Variants in KMO observed in about 807,000 individuals in gnomAD.
KMO encodes kynurenine 3-monooxygenase, also known as kynurenine 3-hydroxylase.
KMO carries 24 observed loss-of-function variants against 57.8 expected under a neutral mutation model. The ratio of observed to expected loss-of-function variants is 0.42; its 90% CI spans 0.30 to 0.58. The LOEUF (loss-of-function observed/expected upper bound fraction) is 0.58, where lower values mean the gene tolerates loss of function less well. Ranked by LOEUF, KMO falls within the 20% of genes least tolerant of loss-of-function variation. The pLI is 0.22. For synonymous variants in KMO, 210 were observed against 193.6 expected (o/e 1.08, Z -0.70); for missense variants, 483 against 588.2 (o/e 0.82, Z 1.85).
rs114176531 is a variant in KMO, at chr1:241,536,097, G to A, written c.54+3599G>A. On this transcript the variant is annotated intron_variant, in intron 1 of 14. Coordinates refer to ENST00000366559, the MANE Select transcript of KMO (RefSeq NM_003679.5). ...GGAGAATCACTCCTTTAGAAGTTAT[G>A]GGAAATTTTTAAAGAGTTTTTTTTT... is the stretch of plus-strand genomic sequence containing the variant. Among the ~76,000 whole-genome samples, 685 of 152,078 alleles carry A rather than the reference G, an allele frequency of 4.5e-3. 5 individuals carry two copies. The highest frequency in any genetic ancestry group is 0.016 in the African/African-American group (650 of 41,462).
At chr1:241,577,413 A>C (rs1662563849) in intron 10 of KMO, among the ~76,000 whole-genome samples, 1 of 152,026 alleles carries the variant, frequency 6.6e-6, no homozygotes, top group African/African-American at 2.4e-5. Context: ...GTTTTTCTTT[A>C]ATTTCCTTTT....
chr1:241,535,432 G>A (rs1660722895), intron 1 of KMO, among the ~76,000 whole-genome samples: 1 of 152,076 alleles, frequency 6.6e-6, no homozygotes, highest in Non-Finnish European at 1.5e-5. Context: ...ATCAGTGGTA[G>A]CTTACCATGT....
At chr1:241,573,808 T>C (rs1662400792) in intron 10 of KMO, among the ~76,000 whole-genome samples, 1 of 152,102 alleles carries the variant, frequency 6.6e-6, no homozygotes, top group East Asian at 1.9e-4. Context: ...TGAAAAGCGA[T>C]GTTGGTATTT....
intron 4 of KMO, 137 bp from the exon 5 acceptor site, chr1:241,555,475 C>T (rs1433602306): frequency 4.0e-6 from 2 of 503,128 alleles, no homozygotes; most frequent in Non-Finnish European, 7.1e-6. Flanking sequence ...TCAAAGGTCA[C>T]TTAGCGAAAT....
At chr1:241,552,596 G>T (rs1371769845) in intron 4 of KMO, among the ~76,000 whole-genome samples, 1 of 152,086 alleles carries the variant, frequency 6.6e-6, no homozygotes, top group Non-Finnish European at 1.5e-5. Flanking sequence ...GTGTACCATG[G>T]TGGTCCGGAT....
chr1:241,548,911 T>A lies in KMO; in HGVS notation c.124+13T>A. On this transcript the variant is annotated intron_variant, in intron 2 of 14. Coordinates refer to ENST00000366559, the MANE Select transcript of KMO (RefSeq NM_003679.5). ...GAAGCTAGGGAAGGTACGTCCATGG[T>A]GAAAAAAGCAGGATGAACGCTGGGC... is the stretch of plus-strand genomic sequence containing the variant. 1 of 1,587,586 alleles carries A rather than the reference T, an allele frequency of 6.3e-7. No homozygotes were observed. The highest frequency in any genetic ancestry group is 1.1e-5 in the South Asian group (1 of 90,388).
intron 4 of KMO, among the ~76,000 whole-genome samples, chr1:241,551,806 A>G (rs1368537824): frequency 6.6e-6 from 1 of 152,194 alleles, no homozygotes; most frequent in African/African-American, 2.4e-5. Context: ...GACCCTCAGC[A>G]GAGCTCTCAT....
chr1:241,594,930 T>C lies in KMO; in HGVS notation c.*2777T>C, dbSNP rs2147992937. The C allele has an allele frequency of 4.4e-6, 2 of 451,970 alleles. No homozygotes were observed. Among genetic ancestry groups the C allele is most frequent in the Middle Eastern group, 5.7e-4 (1 of 1,748 alleles). 28.0% of individuals were successfully genotyped at this position (451,970 alleles called of 1,614,324 possible). ...GGACCATTTCAATACCTTGTAATCC[T>C]CCAAGCTTCAATCTGCACACACTTT... On this transcript the variant is annotated 3_prime_UTR_variant, in exon 15 of 15. Transcript: ENST00000366559.
At chr1:241,567,868 G>A (rs1295005983) in intron 9 of KMO, among the ~76,000 whole-genome samples, 2 of 152,154 alleles carry the variant, frequency 1.3e-5, no homozygotes, top group Admixed American at 6.5e-5. Context: ...TAAGATTCTT[G>A]AGGCTAGGTA....
intron 8 of KMO, among the ~76,000 whole-genome samples, chr1:241,565,307 T>C (rs1662032572): frequency 6.6e-6 from 1 of 152,116 alleles, no homozygotes; most frequent in Admixed American, 6.6e-5. Context: ...GCCTGTCATC[T>C]CCACTAAAGA....
At position 241,549,261 on chromosome 1, in the gene KMO, GA is replaced by G. The variant is rs1558414945; in HGVS notation, c.124+366del. 1.7e-3 allele frequency among the ~76,000 whole-genome samples: 236 copies of G among 142,138 alleles called. 12 individuals carry two copies. Among genetic ancestry groups the G allele is most frequent in the African/African-American group, 5.9e-3 (226 of 38,008 alleles). The allele number at this position is 142,138 out of a possible 152,430, so 93.2% of individuals were successfully genotyped here. ...AGAAAGAAAGAAAGAAAGAAAGAAA[GA>G]AAGAAAGGAAGGAAGAAAGAAAGAA... On this transcript the variant is annotated intron_variant, in intron 2 of 14. Coordinates refer to ENST00000366559, the MANE Select transcript of KMO (RefSeq NM_003679.5).
chr1:241,582,816 A>G (rs755682752), intron 10 of KMO, among the ~76,000 whole-genome samples: 2 of 152,050 alleles, frequency 1.3e-5, no homozygotes, highest in South Asian at 4.1e-4. Flanking sequence ...GGTGTTCTTG[A>G]TGCTTGTGGA....
chr1:241,555,142 A>AAC (rs145264472), intron 4 of KMO, among the ~76,000 whole-genome samples: 12 of 151,700 alleles, frequency 7.9e-5, no homozygotes, highest in Admixed American at 3.3e-4. Flanking sequence ...TGCCACAACC[A>AAC]ACACACACAC....
intron 10 of KMO, among the ~76,000 whole-genome samples, chr1:241,577,456 A>G (rs932786101): frequency 6.6e-6 from 1 of 151,890 alleles, no homozygotes; most frequent in Non-Finnish European, 1.5e-5. Context: ...TAATGTTTAT[A>G]GTTTATTGTA....
intron 10 of KMO, among the ~76,000 whole-genome samples, chr1:241,575,219 C>G (rs1353278656): frequency 2.6e-5 from 4 of 151,968 alleles, no homozygotes; most frequent in Non-Finnish European, 1.5e-5. Context: ...AAAGAATCAA[C>G]TTTTTGTCTT....
intron 5 of KMO, among the ~76,000 whole-genome samples, chr1:241,558,529 C>T (rs754898113): frequency 5.9e-5 from 9 of 152,284 alleles, no homozygotes; most frequent in Non-Finnish European, 8.8e-5. Context: ...GATTGTTTCA[C>T]GGTTCATCTG....
rs767280684 is a variant in KMO, at chr1:241,588,728, A to T, written c.1016-20A>T. On this transcript the variant is annotated intron_variant, in intron 11 of 14. Coordinates refer to ENST00000366559, the MANE Select transcript of KMO (RefSeq NM_003679.5). ...CATTTTTATAGAAGGTTTTGGAAAGATGTATTATTTAACTTACAGGTTTGT... is the reference window on the plus strand; with the variant it reads ...CATTTTTATAGAAGGTTTTGGAAAGTTGTATTATTTAACTTACAGGTTTGT... 3 of 1,570,310 alleles carry T rather than the reference A, an allele frequency of 1.9e-6. No homozygotes were observed. The highest frequency in any genetic ancestry group is 2.6e-6 in the Non-Finnish European group (3 of 1,140,510).
At chr1:241,587,187 C>T (rs900628042) in intron 11 of KMO, among the ~76,000 whole-genome samples, 2 of 152,178 alleles carry the variant, frequency 1.3e-5, no homozygotes, top group South Asian at 2.1e-4. Flanking sequence ...GATCTTCAGG[C>T]GTTAGTTGGA....
intron 1 of KMO, among the ~76,000 whole-genome samples, chr1:241,533,015 G>A (rs1660629688): frequency 6.6e-6 from 1 of 152,264 alleles, no homozygotes; most frequent in African/African-American, 2.4e-5. Context: ...GTGGTCGCCT[G>A]ACTTACTTGA....
Sources: allele counts gnomAD v4.1 joint callset (sites outside exome capture counted in the v4.1 genomes callset), GRCh38; gene constraint gnomAD v4.1.1; transcripts MANE v1.5; gene names NCBI Gene and HGNC (gene_info 2026-07-23, HGNC 2026-07-21).